Variants in COL18A1 observed in about 807,000 individuals in gnomAD.
COL18A1 encodes collagen alpha-1(XVIII) chain.
In COL18A1, 133 loss-of-function variants were observed where a neutral mutation model predicts 168.0. That is an observed-to-expected ratio of 0.79 (90% CI 0.69 to 0.91). The LOEUF is 0.91. Ranked by LOEUF, COL18A1 falls within the 40% of genes least tolerant of loss-of-function variation. COL18A1 has a pLI of 0.00. For synonymous variants in COL18A1, 949 were observed against 809.0 expected (o/e 1.17, Z -2.94); for missense variants, 2,126 against 1,925.4 (o/e 1.10, Z -1.95).
In COL18A1 at chr21:45,473,123, C is replaced by T. The variant is rs1185917644; in HGVS notation, c.652-772C>T. Among the ~76,000 whole-genome samples, 5 of 152,208 alleles carry T rather than the reference C, an allele frequency of 3.3e-5. No homozygotes were observed. Among genetic ancestry groups the T allele is most frequent in the Admixed American group, 6.5e-5 (1 of 15,288 alleles). ...CTTTTCCTGTCAAAGCCCCTCCCAGCGTCCTCTCCCCACCAGGCAAGCTAC... is the reference window on the plus strand; with the variant it reads ...CTTTTCCTGTCAAAGCCCCTCCCAGTGTCCTCTCCCCACCAGGCAAGCTAC... On this transcript the variant is annotated intron_variant, in intron 3 of 41. Coordinates refer to ENST00000651438, the MANE Select transcript of COL18A1 (RefSeq NM_001379500.1). This position sits in a 1 kb window ranked among gnomAD's most constrained non-coding sequence, Gnocchi z 4.0.
Position 45,443,604 on chromosome 21 carries a change from G to A in COL18A1, c.107-24638G>A, listed in dbSNP as rs1194088034. Among the ~76,000 whole-genome samples the A allele has an allele frequency of 2.0e-5, 3 of 152,100 alleles. No individual in the cohort carries two copies. Among genetic ancestry groups the A allele is most frequent in the Non-Finnish European group, 4.4e-5 (3 of 68,006 alleles). Reference sequence around the variant, plus strand: ...TGTGCTGAACTGTTCTCCGACAGGCGGCCCTTTTTCTCCCACGTGGGCGAA... The same window carrying A: ...TGTGCTGAACTGTTCTCCGACAGGCAGCCCTTTTTCTCCCACGTGGGCGAA... On this transcript the variant is annotated intron_variant, in intron 2 of 41. Coordinates refer to ENST00000651438, the MANE Select transcript of COL18A1 (RefSeq NM_001379500.1). This position sits in a 1 kb window ranked among gnomAD's most constrained non-coding sequence, Gnocchi z 5.2.
At chr21:45,497,572 A>T in intron 31 of COL18A1, 27 bp from the exon 32 acceptor site, 1 of 1,553,404 alleles carries the variant, frequency 6.4e-7, no homozygotes, top group Non-Finnish European at 8.7e-7. Context: ...CACATTCCTG[A>T]TGGGCACTGG....
chr21:45,439,201 G>T (rs914309117), intron 2 of COL18A1, among the ~76,000 whole-genome samples: 9 of 152,242 alleles, frequency 5.9e-5, no homozygotes, highest in African/African-American at 2.2e-4. Context: ...CGTGTTCCTT[G>T]GTCATTTCCG....
chr21:45,497,075 G>T lies in COL18A1; in HGVS notation c.2603G>T (p.Gly868Val). The change falls in exon 31 of 42, where the codon GGG (glycine) becomes GTG (valine). Residue 868 changes from glycine (G) to valine (V), a missense_variant. Transcript: ENST00000651438. ...SNVFAESSRP[G>V]PPGLPGNQGP... is the part of the protein sequence containing the mutation. The stretch of plus-strand genomic sequence containing the variant: ...GTGTTTGCTGAGTCCAGCCGCCCCG[G>T]GCCTCCAGGATTGCCAGGTGAGGGT... 6.2e-7 allele frequency: 1 copy of T among 1,600,278 alleles called. No homozygotes were observed.
intron 12 of COL18A1, 21 bp from the exon 13 acceptor site, chr21:45,480,679 T>C (rs770754162): frequency 6.2e-7 from 1 of 1,610,882 alleles, no homozygotes; most frequent in South Asian, 1.1e-5. Flanking sequence ...GCTGTGACTA[T>C]CTGTGTTCGC....
chr21:45,477,992 G>A (rs375758827), intron 8 of COL18A1, 27 bp downstream of exon 8: 57 of 1,233,128 alleles, frequency 4.6e-5, no homozygotes, highest in African/African-American at 4.0e-4. Flanking sequence ...CCCCGAGTCC[G>A]GCCCGGTCTG....
At chr21:45,489,370 G>C (rs906481592) in intron 18 of COL18A1, 116 bp from the exon 19 acceptor site, 5 of 808,504 alleles carry the variant, frequency 6.2e-6, no homozygotes, top group Non-Finnish European at 8.5e-6. Flanking sequence ...TCTGGGCTGG[G>C]GGAGGGCGGT....
chr21:45,482,807 G>T lies in COL18A1; in HGVS notation c.1687G>T (p.Ala563Ser). The T allele has an allele frequency of 6.2e-7, 1 of 1,614,152 alleles. No individual in the cohort carries two copies. The highest frequency in any genetic ancestry group is 1.3e-5 in the African/African-American group (1 of 75,020). Reference protein sequence around the residue: ...GQKGSLGEAGAPGHKGSKGAP... With the variant: ...GQKGSLGEAGSPGHKGSKGAP... ...CTTTTCCGTACAGGGTGAAGCAGGC[G>T]CCCCAGGACATAAGGTACAAGCAGA... The change falls in exon 15 of 42, where the codon GCC (alanine) becomes TCC (serine). Residue 563 changes from alanine (A) to serine (S), a missense_variant. Transcript: ENST00000651438.
At chr21:45,442,904 GGGTGGTGGTGCTGGTGTGGGC>G (rs1177212886) in intron 2 of COL18A1, among the ~76,000 whole-genome samples, 9 of 136,362 alleles carry the variant, frequency 6.6e-5, no homozygotes, top group South Asian at 2.3e-4. Context: ...GTGCTGATGT[GGGTGGTGGTGCTGGTGTGGGC>G]GGTGGTGGTG....
intron 2 of COL18A1, chr21:45,409,956 G>GCGGTAA (rs2123499853): frequency 6.6e-6 from 1 of 152,368 alleles, no homozygotes; most frequent in African/African-American, 2.4e-5. Context: ...ACCGGCCCTG[G>GCGGTAA]CGGTAACGTT....
chr21:45,474,919 TGGC>T (rs1189044848), intron 4 of COL18A1, among the ~76,000 whole-genome samples: 5 of 152,308 alleles, frequency 3.3e-5, no homozygotes, highest in East Asian at 1.9e-4. Flanking sequence ...ATCGTTCACA[TGGC>T]GGCCATGACA....
chr21:45,512,593 G>A lies in COL18A1; in HGVS notation c.*195G>A. Reference sequence around the variant, plus strand: ...ATTTTTTTAAAAGTTTAAAACAGAAGCCTGATGCTGACATTCACCTGCCCC... The same window carrying A: ...ATTTTTTTAAAAGTTTAAAACAGAAACCTGATGCTGACATTCACCTGCCCC... On this transcript the variant is annotated 3_prime_UTR_variant, in exon 42 of 42. Coordinates refer to ENST00000651438, the MANE Select transcript of COL18A1 (RefSeq NM_001379500.1). 1.6e-6 allele frequency: 1 copy of A among 630,154 alleles called. No homozygotes were observed. Among genetic ancestry groups the A allele is most frequent in the South Asian group, 1.9e-5 (1 of 51,456 alleles). 39.0% of individuals were successfully genotyped at this position (630,154 alleles called of 1,614,324 possible). A position where few individuals can be genotyped will look rare whatever the true frequency, so the allele number is the denominator to read the frequency against.
intron 29 of COL18A1, chr21:45,496,103 CCTCCATGCCCTCCAAGCCCTCCATGCT>C (rs960271859): frequency 2.6e-6 from 1 of 386,796 alleles, no homozygotes; most frequent in African/African-American, 2.1e-5. Flanking sequence ...CCCTCCATGC[CCTCCATGCCCTCCAAGCCCTCCATGCT>C]GGGGGTTCTC....
intron 2 of COL18A1, among the ~76,000 whole-genome samples, chr21:45,442,130 G>C (rs369436108): frequency 6.6e-6 from 1 of 152,230 alleles, no homozygotes; most frequent in Non-Finnish European, 1.5e-5. Context: ...CCCTTGAGTG[G>C]GTGGCGCTGC....
At chr21:45,430,473 C>T (rs1239551383) in intron 2 of COL18A1, among the ~76,000 whole-genome samples, 2 of 152,036 alleles carry the variant, frequency 1.3e-5, no homozygotes, top group African/African-American at 4.8e-5. Flanking sequence ...GGGGAGGGGG[C>T]TCGAGACTGG....
intron 13 of COL18A1, 77 bp from the exon 14 acceptor site, chr21:45,481,886 C>G (rs760865656): frequency 1.9e-6 from 2 of 1,036,114 alleles, no homozygotes; most frequent in East Asian, 2.4e-5. Context: ...CTGCGGAAGC[C>G]CAGATAACCT....
chr21:45,455,405 T>A (rs924413810), intron 2 of COL18A1: 50 of 1,364,142 alleles, frequency 3.7e-5, no homozygotes, highest in Non-Finnish European at 5.1e-5. Context: ...GAGTGGGGGG[T>A]GGAAGACAGC....
rs773058296 is a variant in COL18A1, at chr21:45,504,499, G to A, written c.2811G>A (p.Leu937=). The change falls in exon 34 of 42, where the codon CTG becomes CTA. Residue 937 remains leucine, a synonymous_variant. Coordinates refer to ENST00000651438, the MANE Select transcript of COL18A1 (RefSeq NM_001379500.1). The stretch of plus-strand genomic sequence containing the variant: ...GCGGCGGTTTCTTCGGCTCCAGCCT[G>A]CCCGGCCCCCCCGGCCCCCCAGGCC... The part of the protein sequence containing the change: ...PGGGGFFGSS[L]PGPPGPPGPP... 4.0e-6 allele frequency: 6 copies of A among 1,499,154 alleles called. No individual in the cohort carries two copies. The highest frequency in any genetic ancestry group is 3.5e-5 in the South Asian group (3 of 86,320). 92.9% of individuals were successfully genotyped at this position (1,499,154 alleles called of 1,614,324 possible).
chr21:45,439,710 G>GGCCAAGTCCTGTGC (rs1208812595), intron 2 of COL18A1, among the ~76,000 whole-genome samples: 7 of 152,200 alleles, frequency 4.6e-5, no homozygotes, highest in Admixed American at 1.3e-4. Flanking sequence ...TGCCAGCCTG[G>GGCCAAGTCCTGTGC]GCGGCTTTGG....
Sources: allele counts gnomAD v4.1 joint callset (sites outside exome capture counted in the v4.1 genomes callset), GRCh38; gene constraint gnomAD v4.1.1; non-coding constraint Gnocchi (gnomAD v3.1); transcripts MANE v1.5; gene names NCBI Gene and HGNC (gene_info 2026-07-23, HGNC 2026-07-21).